The following TAOK3 variants were observed in gnomAD, a reference collection of about 807,000 sequenced individuals.
The protein encoded by TAOK3 is serine/threonine-protein kinase TAO3.
Under a neutral mutation model 120.4 loss-of-function variants are expected in TAOK3, and 40 were observed. That is an observed-to-expected ratio of 0.33 (90% CI 0.26 to 0.43). TAOK3 has a LOEUF of 0.43. Ranked by LOEUF, TAOK3 falls within the 20% of genes least tolerant of loss-of-function variation. The probability of loss-of-function intolerance (pLI) is 1.00; values close to 1 mark genes in which losing one functional copy is unlikely to be tolerated. For missense variants in TAOK3, 821 were observed against 1,112.1 expected, an observed-to-expected ratio of 0.74 and a Z score of 3.72; for synonymous variants, 355 against 387.5, an observed-to-expected ratio of 0.92 and a Z score of 0.99.
At chr12:118,315,276 T>C (rs191574894) in intron 1 of TAOK3, among the ~76,000 whole-genome samples, 85 of 152,240 alleles carry the variant, frequency 5.6e-4, no homozygotes, top group Admixed American at 3.9e-3. Flanking sequence ...CATCCATCGG[T>C]GGGGAAAAGG....
intron 13 of TAOK3, among the ~76,000 whole-genome samples, chr12:118,192,708 C>A (rs1047066548): frequency 2.0e-5 from 3 of 152,320 alleles, no homozygotes; most frequent in South Asian, 2.1e-4. Flanking sequence ...GGTTATACTG[C>A]CCCTTTAAGT....
chr12:118,176,155 G>A (rs572405917), intron 16 of TAOK3, among the ~76,000 whole-genome samples: 50 of 152,244 alleles, frequency 3.3e-4, no homozygotes, highest in African/African-American at 1.1e-3. Context: ...AACCAATCCC[G>A]CATTGCACAA....
chr12:118,199,098 C>G lies in TAOK3; in HGVS notation c.1147G>C (p.Asp383His), dbSNP rs1232154281. ...CTGGAATTGATTGTGCTTTCGTCATCGTGCATCATGACAAGTTCGGAACTG... is the reference window on the plus strand; with the variant it reads ...CTGGAATTGATTGTGCTTTCGTCATGGTGCATCATGACAAGTTCGGAACTG... ...ESSSELVMMH[D>H]DESTINSSSS... Residue 383 changes from aspartate (D) to histidine (H), a missense_variant, in exon 13 of 21, where the codon GAT (aspartate) becomes CAT (histidine). By Grantham distance (81) the Asp-to-His change is moderately conservative (BLOSUM62 -1). Transcript: ENST00000392533. 6.2e-7 allele frequency: 1 copy of G among 1,614,132 alleles called. No homozygotes were observed. Among genetic ancestry groups the G allele is most frequent in the South Asian group, 1.1e-5 (1 of 91,070 alleles).
At chr12:118,256,261 A>G (rs559220977) in intron 2 of TAOK3, among the ~76,000 whole-genome samples, 3 of 152,358 alleles carry the variant, frequency 2.0e-5, no homozygotes, top group Admixed American at 1.3e-4. Flanking sequence ...GTCAAAAAGT[A>G]AGATAAGTGT....
At position 118,233,275 on chromosome 12, in the gene TAOK3, AT is replaced by A. The variant is rs1212691986; in HGVS notation, c.643+398del. The stretch of plus-strand genomic sequence containing the variant: ...TGTGGGGTGGGGGGAGGGGGGAGGG[AT>A]AGCATTAGGAGATATACCTAATGTT... On this transcript the variant is annotated intron_variant, in intron 9 of 20. Coordinates refer to ENST00000392533, the MANE Select transcript of TAOK3 (RefSeq NM_016281.4). 2.4e-4 allele frequency among the ~76,000 whole-genome samples: 33 copies of A among 135,052 alleles called. No homozygotes were observed. In the South Asian group the frequency reaches 8.0e-3, roughly 33 times the overall value. 88.6% of individuals were successfully genotyped at this position (135,052 alleles called of 152,430 possible).
In TAOK3 at chr12:118,235,538, T is replaced by C. The variant is rs1012255888; in HGVS notation, c.551+20A>G. On this transcript the variant is annotated intron_variant, in intron 8 of 20. Transcript: ENST00000392533. ...GTATGCAGATTTTAAAACTATGTCA[T>C]ATAGCCTAATTCTACATACCAGTAA... The C allele has an allele frequency of 2.5e-6, 4 of 1,586,046 alleles. No homozygotes were observed. The highest frequency in any genetic ancestry group is 3.5e-6 in the Non-Finnish European group (4 of 1,155,542).
chr12:118,199,471 A>C, intron 12 of TAOK3: 1 of 579,696 alleles, frequency 1.7e-6, no homozygotes, highest in East Asian at 3.0e-5. Flanking sequence ...GCCATTCTGG[A>C]CGTGGGTCAT....
intron 13 of TAOK3, among the ~76,000 whole-genome samples, chr12:118,196,075 A>AAATG (rs1288935606): frequency 2.0e-5 from 3 of 150,524 alleles, no homozygotes; most frequent in Non-Finnish European, 4.4e-5. Flanking sequence ...ATAAATAAAT[A>AAATG]AATAAATAAA....
At chr12:118,301,058 G>C (rs905553708) in intron 1 of TAOK3, among the ~76,000 whole-genome samples, 2 of 152,204 alleles carry the variant, frequency 1.3e-5, no homozygotes, top group Non-Finnish European at 2.9e-5. Context: ...TTACAGGCGT[G>C]AGCCACTGCA....
intron 13 of TAOK3, among the ~76,000 whole-genome samples, chr12:118,197,403 C>G (rs1329773318): frequency 1.3e-5 from 2 of 152,160 alleles, no homozygotes; most frequent in South Asian, 4.1e-4. Context: ...TATTGAAACA[C>G]TCATATTATC....
At chr12:118,296,760 C>T (rs938248283) in intron 1 of TAOK3, among the ~76,000 whole-genome samples, 2 of 152,234 alleles carry the variant, frequency 1.3e-5, no homozygotes, top group Admixed American at 1.3e-4. Flanking sequence ...TTTCAAATTA[C>T]ATTTAGCCTG....
chr12:118,283,075 T>C (rs1247838814), intron 1 of TAOK3, among the ~76,000 whole-genome samples: 1 of 152,224 alleles, frequency 6.6e-6, no homozygotes, highest in African/African-American at 2.4e-5. Flanking sequence ...CCCTGTAGCC[T>C]GAGTAAGTTT....
At chr12:118,215,111 C>G (rs1321727451) in intron 9 of TAOK3, among the ~76,000 whole-genome samples, 1 of 150,682 alleles carries the variant, frequency 6.6e-6, no homozygotes, top group East Asian at 2.0e-4. Flanking sequence ...GAACTCCTGA[C>G]CTCGTGATCC....
At chr12:118,357,715 A>G (rs1183918007) in intron 1 of TAOK3, among the ~76,000 whole-genome samples, 8 of 152,170 alleles carry the variant, frequency 5.3e-5, no homozygotes, top group Non-Finnish European at 1.2e-4. Flanking sequence ...CATCCAAGCT[A>G]TGACTGGGAT....
intron 1 of TAOK3, among the ~76,000 whole-genome samples, chr12:118,363,264 T>A (rs2045654786): frequency 6.6e-6 from 1 of 152,106 alleles, no homozygotes; most frequent in African/African-American, 2.4e-5. Context: ...CTCTTAGGAA[T>A]GCACATTATC....
intron 3 of TAOK3, among the ~76,000 whole-genome samples, chr12:118,245,282 C>T (rs1806037292): frequency 6.6e-6 from 1 of 151,958 alleles, no homozygotes; most frequent in African/African-American, 2.4e-5. Context: ...ATGATCCGCC[C>T]GCCTCGGCCT....
intron 1 of TAOK3, among the ~76,000 whole-genome samples, chr12:118,365,888 C>A (rs542463161): frequency 2.6e-5 from 4 of 152,326 alleles, no homozygotes; most frequent in Non-Finnish European, 5.9e-5. Flanking sequence ...CATTTAAAAA[C>A]TGTATGTATA....
At chr12:118,279,475 T>A (rs2042016240) in intron 1 of TAOK3, among the ~76,000 whole-genome samples, 1 of 152,082 alleles carries the variant, frequency 6.6e-6, no homozygotes, top group Admixed American at 6.6e-5. Flanking sequence ...GTCTTCATCA[T>A]GTAATCTTCG....
rs139494501 is a variant in TAOK3 at position 118,295,021 on chromosome 12, T to A, written c.-193-28262A>T. ...ATAAATATGGAGTTCAGAAGTGAGG[T>A]GTAGACTGGAAATAGGAATTTGGGA... On this transcript the variant is annotated intron_variant, in intron 1 of 20. Transcript: ENST00000392533. Among the ~76,000 whole-genome samples the A allele has an allele frequency of 2.0e-3, 299 of 151,936 alleles. 4 individuals are homozygous for A. The East Asian group carries it at 0.046, about 23-fold the overall frequency.
Sources: gnomAD v4.1 joint callset for allele counts (sites outside exome capture counted in the v4.1 genomes callset) on GRCh38, gnomAD v4.1.1 for gene constraint, MANE v1.5 for transcripts, NCBI Gene and HGNC (gene_info 2026-07-23, HGNC 2026-07-21) for gene names.